TRPC5: variants seen among roughly 807,000 people sequenced by gnomAD.
TRPC5 encodes the protein transient receptor potential cation channel subfamily C member 5.
In TRPC5, 9 loss-of-function variants were observed where a neutral mutation model predicts 56.5. The observed-to-expected ratio is 0.16, with a 90% CI of 0.10 to 0.28. The LOEUF (loss-of-function observed/expected upper bound fraction) is 0.28, where lower values mean the gene tolerates loss of function less well. TRPC5 is among the 10% of genes least tolerant of loss of function. The probability of loss-of-function intolerance (pLI) is 1.00; values close to 1 mark genes in which losing one functional copy is unlikely to be tolerated. For synonymous variants in TRPC5, 282 were observed against 278.5 expected (o/e 1.01, Z -0.13); for missense variants, 469 against 748.9 (o/e 0.63, Z 4.36).
At position 111,781,943 on chromosome X, in the gene TRPC5, T is replaced by G; in HGVS notation, c.2092A>C (p.Ser698Arg). The G allele has an allele frequency of 8.4e-7, 1 of 1,187,405 alleles. No individual in the cohort carries two copies. Among genetic ancestry groups the G allele is most frequent in the Non-Finnish European group, 1.1e-6 (1 of 885,228 alleles). The change falls in exon 8 of 11, where the codon AGT (serine) becomes CGT (arginine). Residue 698 changes from serine to arginine, a missense_variant. Coordinates refer to ENST00000262839, the MANE Select transcript of TRPC5 (RefSeq NM_012471.3). ...DGRRRRRNLR[S>R]FTERNADSLI... ...AAAATTAAAAGTCTTACTGTGAAAC[T>G]TCTCAAGTTGCGCCTTCTCCGTCTA... is the stretch of plus-strand genomic sequence containing the variant.
At chrX:111,798,230 A>C (rs866915910) in intron 7 of TRPC5, among the ~76,000 whole-genome samples, 2 of 112,051 alleles carry the variant, frequency 1.8e-5, no homozygotes, top group South Asian at 7.3e-4. Context: ...ATAAAGATGA[A>C]GTATTAAATC....
intron 1 of TRPC5, among the ~76,000 whole-genome samples, chrX:112,068,153 A>G (rs935108827): frequency 8.9e-6 from 1 of 111,865 alleles, no homozygotes; most frequent in African/African-American, 3.3e-5. Flanking sequence ...ATGGGTAGAG[A>G]TGGGCTGCTT....
At chrX:111,964,099 C>CTAGAA (rs1927481581) in intron 1 of TRPC5, among the ~76,000 whole-genome samples, 1 of 111,325 alleles carries the variant, frequency 9.0e-6, no homozygotes, top group Non-Finnish European at 1.9e-5. Flanking sequence ...GAATGGATAC[C>CTAGAA]TAGAATAACC....
At chrX:111,829,217 G>T (rs774937406) in intron 7 of TRPC5, among the ~76,000 whole-genome samples, 9 of 105,301 alleles carry the variant, frequency 8.5e-5, no homozygotes, top group African/African-American at 3.2e-4. Context: ...TAGGAGAATT[G>T]GTTGAACCCA....
rs1449846804 is a variant in TRPC5, at chrX:111,905,892, G to A, written c.900+6399C>T. ...ATCGTGCCACTGCACTCCAGCCTGG[G>A]CGACAGAGCGAGTCTCTGTCTCAAA... is the stretch of plus-strand genomic sequence containing the variant. On this transcript the variant is annotated intron_variant, in intron 3 of 10. Coordinates refer to ENST00000262839, the MANE Select transcript of TRPC5 (RefSeq NM_012471.3). 6.0e-4 allele frequency among the ~76,000 whole-genome samples: 58 copies of A among 97,051 alleles called. 1 individual carries two copies. The highest frequency in any genetic ancestry group is 5.0e-3 in the Admixed American group (46 of 9,236). 84.3% of individuals were successfully genotyped at this position (97,051 alleles called of 115,157 possible).
At chrX:112,049,522 T>C (rs185725179) in intron 1 of TRPC5, among the ~76,000 whole-genome samples, 2,686 of 103,930 alleles carry the variant, frequency 0.026, 87 homozygotes, top group African/African-American at 0.091. Flanking sequence ...AAATATATAT[T>C]TATATATTTA....
intron 2 of TRPC5, among the ~76,000 whole-genome samples, chrX:111,921,548 CTTT>C (rs1177644109): frequency 9.1e-6 from 1 of 110,422 alleles, no homozygotes; most frequent in Non-Finnish European, 1.9e-5. Flanking sequence ...TTCGCCTTCT[CTTT>C]AAACTCCAAA....
At chrX:111,928,448 GA>G (rs202232014) in intron 2 of TRPC5, among the ~76,000 whole-genome samples, 2 of 110,957 alleles carry the variant, frequency 1.8e-5, no homozygotes, top group East Asian at 2.8e-4. Context: ...CATTTTGAGA[GA>G]AAAAAAACAC....
intron 3 of TRPC5, chrX:111,882,069 G>C (rs992472062): frequency 9.0e-5 from 10 of 110,846 alleles, no homozygotes; most frequent in African/African-American, 3.3e-4. Context: ...ATGGGCAAAA[G>C]CCGTAAAGTC....
chrX:112,046,929 T>A (rs1237802908), intron 1 of TRPC5, among the ~76,000 whole-genome samples: 1 of 111,239 alleles, frequency 9.0e-6, no homozygotes, highest in Non-Finnish European at 1.9e-5. Flanking sequence ...TATATTACCA[T>A]TGTTCCATTT....
chrX:111,967,063 T>C (rs1336375141), intron 1 of TRPC5, among the ~76,000 whole-genome samples: 2 of 111,776 alleles, frequency 1.8e-5, no homozygotes, highest in African/African-American at 6.5e-5. Context: ...ATGACATGAT[T>C]GTATATCTAG....
At chrX:112,076,784 G>C (rs1310444159) in intron 1 of TRPC5, among the ~76,000 whole-genome samples, 1 of 111,631 alleles carries the variant, frequency 9.0e-6, no homozygotes, top group Admixed American at 9.5e-5. Flanking sequence ...TTCTTCCATG[G>C]AGTGATTTCA....
chrX:111,776,288 C>G lies in TRPC5; in HGVS notation c.*25G>C, dbSNP rs913052080. On this transcript the variant is annotated 3_prime_UTR_variant, in exon 11 of 11. Transcript: ENST00000262839. Reference sequence around the variant, plus strand: ...GGAAATTACAGATTTCTGTTGAGTTCCAGAACAGATGATTAGGGCTTGACT... The same window carrying G: ...GGAAATTACAGATTTCTGTTGAGTTGCAGAACAGATGATTAGGGCTTGACT... 8.8e-7 allele frequency: 1 copy of G among 1,134,475 alleles called. No individual in the cohort carries two copies. Among genetic ancestry groups the G allele is most frequent in the African/African-American group, 1.8e-5 (1 of 54,495 alleles). 93.5% of individuals were successfully genotyped at this position (1,134,475 alleles called of 1,213,427 possible).
chrX:111,901,631 A>C (rs951703776), intron 3 of TRPC5: 8 of 317,245 alleles, frequency 2.5e-5, no homozygotes, highest in Non-Finnish European at 3.8e-5. Flanking sequence ...AGTACCATAC[A>C]TAAATTCTGT....
intron 7 of TRPC5, among the ~76,000 whole-genome samples, chrX:111,783,747 AACTTTT>A (rs1945938631): frequency 9.0e-6 from 1 of 110,834 alleles, no homozygotes; most frequent in Non-Finnish European, 1.9e-5. Flanking sequence ...TACTGGAGCA[AACTTTT>A]ACTTTTGAGA....
intron 1 of TRPC5, among the ~76,000 whole-genome samples, chrX:112,013,236 C>T (rs59968449): frequency 0.028 from 3,156 of 111,306 alleles, 108 homozygotes; most frequent in African/African-American, 0.098. Flanking sequence ...CTGCAACCTC[C>T]GCTTCCCAGG....
At chrX:111,825,650 C>T (rs1235434204) in intron 7 of TRPC5, among the ~76,000 whole-genome samples, 1 of 111,787 alleles carries the variant, frequency 8.9e-6, no homozygotes, top group Non-Finnish European at 1.9e-5. Context: ...AGTGAGACAA[C>T]TTAGAGATTA....
chrX:112,034,528 C>T (rs7056993), intron 1 of TRPC5, among the ~76,000 whole-genome samples: 2,972 of 110,084 alleles, frequency 0.027, 100 homozygotes, highest in African/African-American at 0.09. Context: ...GCTTTTTCTG[C>T]ATCATTTGAG....
At chrX:112,053,705 T>C (rs2147735267) in intron 1 of TRPC5, among the ~76,000 whole-genome samples, 1 of 110,804 alleles carries the variant, frequency 9.0e-6, no homozygotes, top group East Asian at 2.9e-4. Context: ...CATGTGTGTT[T>C]GTGTGTGTGT....
Sources: allele counts gnomAD v4.1 joint callset (sites outside exome capture counted in the v4.1 genomes callset), GRCh38; gene constraint gnomAD v4.1.1; transcripts MANE v1.5; gene names NCBI Gene and HGNC (gene_info 2026-07-23, HGNC 2026-07-21).